The following SPATA6L variants were observed in gnomAD, a reference collection of about 807,000 sequenced individuals.
The protein encoded by SPATA6L is spermatogenesis associated 6 like, also known as spermatogenesis associated 6-like protein.
A neutral mutation model predicts 49.2 loss-of-function variants in SPATA6L; 68 were observed. That is an observed-to-expected ratio of 1.38 (90% confidence interval 1.14 to 1.69). The LOEUF (loss-of-function observed/expected upper bound fraction) is 1.69. SPATA6L is among the 40% of genes most tolerant of loss of function. The pLI, the probability that SPATA6L is intolerant of heterozygous loss-of-function variation, is 0.00. For synonymous variants in SPATA6L, 198 were observed against 165.7 expected, an observed-to-expected ratio of 1.19 and a Z score of -1.50; for missense variants, 668 against 464.3, an observed-to-expected ratio of 1.44 and a Z score of -4.03.
intron 9 of SPATA6L, among the ~76,000 whole-genome samples, chr9:4,614,668 CAG>C (rs149330649): frequency 0.018 from 2,720 of 152,292 alleles, 72 homozygotes; most frequent in African/African-American, 0.062. Context: ...ACCTGGGACT[CAG>C]GGGTTTCCCA....
At chr9:4,606,992 A>C (rs955459423) in intron 9 of SPATA6L, among the ~76,000 whole-genome samples, 2 of 148,552 alleles carry the variant, frequency 1.3e-5, no homozygotes, top group Admixed American at 1.3e-4. Context: ...AACTACGTGA[A>C]GAATGCAGAA....
intron 2 of SPATA6L, among the ~76,000 whole-genome samples, chr9:4,658,979 G>A (rs1429160595): frequency 2.7e-5 from 4 of 147,814 alleles, no homozygotes; most frequent in Admixed American, 1.3e-4. Flanking sequence ...GGCTTCTACA[G>A]AGCAAATTCA....
chr9:4,639,755 T>A (rs1833630743), intron 3 of SPATA6L, among the ~76,000 whole-genome samples: 1 of 152,154 alleles, frequency 6.6e-6, no homozygotes, highest in Non-Finnish European at 1.5e-5. Context: ...AGGAAACAAA[T>A]GAGACTTTAA....
intron 1 of SPATA6L, chr9:4,663,350 C>A (rs1328222870): frequency 7.3e-7 from 1 of 1,367,496 alleles, no homozygotes; most frequent in Non-Finnish European, 1.0e-6. Flanking sequence ...TCCCGCTTGT[C>A]CCTCTTAGGC....
At chr9:4,638,667 G>A (rs1833353514) in intron 3 of SPATA6L, among the ~76,000 whole-genome samples, 1 of 152,108 alleles carries the variant, frequency 6.6e-6, no homozygotes, top group Non-Finnish European at 1.5e-5. Flanking sequence ...CAGAAACTCT[G>A]AAGTACAACC....
At chr9:4,651,169 ATTGTTG>A (rs969623368) in intron 3 of SPATA6L, among the ~76,000 whole-genome samples, 1 of 151,790 alleles carries the variant, frequency 6.6e-6, no homozygotes, top group African/African-American at 2.4e-5. Flanking sequence ...CACCCCACTA[ATTGTTG>A]TTGTTGTTGT....
At chr9:4,641,234 G>C (rs755070914) in intron 3 of SPATA6L, among the ~76,000 whole-genome samples, 1 of 151,822 alleles carries the variant, frequency 6.6e-6, no homozygotes, top group Non-Finnish European at 1.5e-5. Context: ...AAATATATTC[G>C]TGTTTATATA....
intron 3 of SPATA6L, among the ~76,000 whole-genome samples, chr9:4,653,626 G>C (rs752239521): frequency 1.3e-5 from 2 of 152,142 alleles, no homozygotes; most frequent in Non-Finnish European, 2.9e-5. Context: ...CTTGTATCTA[G>C]GATATATAAA....
At chr9:4,656,219 G>T in intron 2 of SPATA6L, 130 bp from the exon 3 acceptor site, 1 of 667,416 alleles carries the variant, frequency 1.5e-6, no homozygotes, top group Non-Finnish European at 2.5e-6. Flanking sequence ...TGGGTGTATT[G>T]CTTAAGCTCA....
intron 3 of SPATA6L, among the ~76,000 whole-genome samples, chr9:4,649,439 C>A (rs953151548): frequency 1.3e-5 from 2 of 152,170 alleles, no homozygotes; most frequent in African/African-American, 4.8e-5. Flanking sequence ...TCTATATAGT[C>A]AATTAATTCT....
At chr9:4,633,804 C>T (rs1832171623) in intron 4 of SPATA6L, 1 of 152,144 alleles carries the variant, frequency 6.6e-6, no homozygotes, top group African/African-American at 2.4e-5. Context: ...TCAGATCCCA[C>T]CCTCCAAAAA....
chr9:4,640,013 A>C (rs944940980), intron 3 of SPATA6L, among the ~76,000 whole-genome samples: 3 of 152,240 alleles, frequency 2.0e-5, no homozygotes, highest in Non-Finnish European at 4.4e-5. Flanking sequence ...TGCCTATAAA[A>C]GTATAAAAGC....
intron 13 of SPATA6L, among the ~76,000 whole-genome samples, chr9:4,590,543 A>G (rs891999744): frequency 3.9e-5 from 6 of 152,062 alleles, no homozygotes; most frequent in Non-Finnish European, 5.9e-5. Context: ...TTATGAGTAA[A>G]CCCCCAAAAG....
At position 4,625,511 on chromosome 9, in the gene SPATA6L, G is replaced by A. The variant is rs766237236; in HGVS notation, c.485C>T (p.Pro162Leu). The change falls in exon 6 of 12, where the codon CCC (proline) becomes CTC (leucine). Residue 162 changes from proline (P) to leucine (L), a missense_variant. Pro to Leu is a moderately conservative substitution (Grantham distance 98, BLOSUM62 -3). Coordinates refer to ENST00000682582, the MANE Select transcript of SPATA6L (RefSeq NM_001353486.2). ...TAGTTTCATCTTTATAGTATTTAAG[G>A]GAAATATTGGTTCATGTGATGTAGA... Reference protein sequence around the residue: ...PLSTSHEPIFPLNTIKMKLKE... With the variant: ...PLSTSHEPIFLLNTIKMKLKE... 6.2e-6 allele frequency: 10 copies of A among 1,612,768 alleles called. No homozygotes were observed. In the Admixed American group the frequency reaches 6.7e-5, roughly 11 times the overall value.
chr9:4,609,659 G>C (rs919047882), intron 9 of SPATA6L, among the ~76,000 whole-genome samples: 35 of 151,518 alleles, frequency 2.3e-4, no homozygotes, highest in Admixed American at 2.2e-3. Flanking sequence ...AATAATAAGA[G>C]CTATCTGTGA....
chr9:4,601,385 GT>G (rs1305438931), intron 11 of SPATA6L, among the ~76,000 whole-genome samples: 1 of 149,502 alleles, frequency 6.7e-6, no homozygotes, highest in Non-Finnish European at 1.5e-5. Context: ...TTTTTGTTTG[GT>G]TTTTTGGATG....
chr9:4,648,922 C>T (rs1836136943), intron 3 of SPATA6L, among the ~76,000 whole-genome samples: 1 of 151,988 alleles, frequency 6.6e-6, no homozygotes, highest in African/African-American at 2.4e-5. Context: ...TGAGAATATA[C>T]GATGTTTGAT....
At chr9:4,646,738 A>T (rs1368920176) in intron 3 of SPATA6L, among the ~76,000 whole-genome samples, 1 of 152,236 alleles carries the variant, frequency 6.6e-6, no homozygotes, top group Non-Finnish European at 1.5e-5. Context: ...TATAAAAAAT[A>T]GCATTTCACT....
intron 3 of SPATA6L, among the ~76,000 whole-genome samples, chr9:4,636,354 G>A (rs1246080903): frequency 6.6e-6 from 1 of 151,920 alleles, no homozygotes; most frequent in African/African-American, 2.4e-5. Context: ...TTTTTACAGT[G>A]ACTTGTATAA....
Sources: allele counts gnomAD v4.1 joint callset (sites outside exome capture counted in the v4.1 genomes callset), GRCh38; gene constraint gnomAD v4.1.1; transcripts MANE v1.5; gene names NCBI Gene and HGNC (gene_info 2026-07-23, HGNC 2026-07-21).